Variants in KCNQ1 observed in about 807,000 individuals in gnomAD.
The protein encoded by KCNQ1 is potassium voltage-gated channel subfamily KQT member 1.
Under a neutral mutation model 72.4 loss-of-function variants are expected in KCNQ1, and 49 were observed. The observed-to-expected ratio is 0.68, with a 90% CI of 0.54 to 0.86. The LOEUF (loss-of-function observed/expected upper bound fraction) is 0.86. KCNQ1 is among the 40% of genes least tolerant of loss of function. The probability of loss-of-function intolerance (pLI) is 0.00; values close to 1 mark genes in which losing one functional copy is unlikely to be tolerated. For synonymous variants in KCNQ1, 450 were observed against 412.6 expected (o/e 1.09, Z -1.10); for missense variants, 790 against 945.1 (o/e 0.84, Z 2.15).
At position 2,715,696 on chromosome 11, in the gene KCNQ1, G is replaced by A. The variant is rs1158995998; in HGVS notation, c.1515-53148G>A. 2.0e-5 allele frequency among the ~76,000 whole-genome samples: 3 copies of A among 152,220 alleles called. No homozygotes were observed. The highest frequency in any genetic ancestry group is 2.4e-5 in the African/African-American group (1 of 41,470). On this transcript the variant is annotated intron_variant, in intron 11 of 15. Coordinates refer to ENST00000155840, the MANE Select transcript of KCNQ1 (RefSeq NM_000218.3). The surrounding 1 kb of genome is among the most constrained non-coding windows in gnomAD (Gnocchi z 4.9). ...CTTGGGGGAAGGGGAACCAGCAAAG[G>A]GGGTATGGGGAGCCCTCTGGGGCAC...
chr11:2,722,184 C>G (rs1851213701), intron 11 of KCNQ1, among the ~76,000 whole-genome samples: 1 of 152,154 alleles, frequency 6.6e-6, no homozygotes, highest in Admixed American at 6.5e-5. Flanking sequence ...GGCTGGGGAG[C>G]CACAAAGCCA....
chr11:2,448,534 C>T (rs1432986089), intron 1 of KCNQ1, among the ~76,000 whole-genome samples: 6 of 152,234 alleles, frequency 3.9e-5, no homozygotes, highest in Non-Finnish European at 8.8e-5. Context: ...TATCTCCAGG[C>T]TCTGGCATTG....
rs1340604704 is a variant in KCNQ1 at position 2,815,157 on chromosome 11, A to G, written c.1795-32610A>G. ...ACCAATCCCTCCCCAAATTACCCCC[A>G]TGCTCAGGGTGTCACTGAGGGTCCC... On this transcript the variant is annotated intron_variant, in intron 15 of 15. Transcript: ENST00000155840. This position sits in a 1 kb window ranked among gnomAD's most constrained non-coding sequence, Gnocchi z 5.4. 6.6e-6 allele frequency among the ~76,000 whole-genome samples: 1 copy of G among 152,116 alleles called. No individual in the cohort carries two copies. Among genetic ancestry groups the G allele is most frequent in the East Asian group, 1.9e-4 (1 of 5,194 alleles).
chr11:2,774,987 C>A (rs867515943), intron 12 of KCNQ1, among the ~76,000 whole-genome samples: 1 of 152,188 alleles, frequency 6.6e-6, no homozygotes, highest in South Asian at 2.1e-4. Context: ...AATTCCCCAG[C>A]AAAAGGCAGG....
At chr11:2,701,304 A>G (rs1850809643) in intron 11 of KCNQ1, among the ~76,000 whole-genome samples, 1 of 152,328 alleles carries the variant, frequency 6.6e-6, no homozygotes, top group Admixed American at 6.5e-5. Context: ...GGCCTTCAGC[A>G]ACGACGCCCA....
In KCNQ1 at chr11:2,663,987, G is replaced by A. The variant is rs973041857; in HGVS notation, c.1514+1906G>A. 18 of 398,582 alleles carry A rather than the reference G, an allele frequency of 4.5e-5. No individual in the cohort carries two copies. Among genetic ancestry groups the A allele is most frequent in the Middle Eastern group, 6.2e-4 (1 of 1,610 alleles). The allele number at this position is 398,582 out of a possible 1,614,324, so 24.7% of individuals were successfully genotyped here. A position where few individuals can be genotyped will look rare whatever the true frequency, so the allele number is the denominator to read the frequency against. ...CTGAACATCCATCCCCAAGCTCTCT[G>A]CCCACTTTGGGTCTGGCACATTACC... On this transcript the variant is annotated intron_variant, in intron 11 of 15. Transcript: ENST00000155840. The surrounding 1 kb of genome is among the most constrained non-coding windows in gnomAD (Gnocchi z 5.2).
Position 2,459,522 on chromosome 11 carries a change from GTCTGTAGCTCCC to G in KCNQ1, c.386+14044_386+14055del, listed in dbSNP as rs559603087. 3.5e-4 allele frequency among the ~76,000 whole-genome samples: 53 copies of G among 152,286 alleles called. No homozygotes were observed. In the South Asian group the frequency reaches 0.011, roughly 30 times the overall value. On this transcript the variant is annotated intron_variant, in intron 1 of 15. Transcript: ENST00000155840. Reference sequence around the variant, plus strand: ...TAAGGGTATGTAGGGGTCACTGCCAGTCTGTAGCTCCCTCTGTGGGGGCAGGCTGTGGCACTG... The same window carrying G: ...TAAGGGTATGTAGGGGTCACTGCCAGTCTGTGGGGGCAGGCTGTGGCACTG...
rs1426430594 is a variant in KCNQ1 at position 2,734,646 on chromosome 11, CT to C, written c.1515-34197del. ...GAAGGACTGGAGAGTAGGAGCAGGT[CT>C]CGGGGGTAGCTTCCTGAAGAGATGA... On this transcript the variant is annotated intron_variant, in intron 11 of 15. Transcript: ENST00000155840. This position sits in a 1 kb window ranked among gnomAD's most constrained non-coding sequence, Gnocchi z 7.0. Among the ~76,000 whole-genome samples, 1 of 151,814 alleles carries C rather than the reference CT, an allele frequency of 6.6e-6. No individual in the cohort carries two copies. The highest frequency in any genetic ancestry group is 1.5e-5 in the Non-Finnish European group (1 of 67,916).
intron 2 of KCNQ1, among the ~76,000 whole-genome samples, chr11:2,554,065 G>T (rs1255222167): frequency 6.6e-6 from 1 of 152,220 alleles, no homozygotes; most frequent in Non-Finnish European, 1.5e-5. Context: ...GACTTCGGTT[G>T]TGTGTAGAAC....
intron 15 of KCNQ1, 89 bp downstream of exon 15, chr11:2,778,126 T>G: frequency 7.8e-7 from 1 of 1,289,786 alleles, no homozygotes; most frequent in Non-Finnish European, 1.1e-6. Context: ...AACGTGAAGC[T>G]CCTGCAGGCC....
Position 2,620,834 on chromosome 11 carries a change from G to C in KCNQ1, c.1393+31980G>C. The C allele has an allele frequency of 5.0e-6, 2 of 398,498 alleles. No homozygotes were observed. Among genetic ancestry groups the C allele is most frequent in the Admixed American group, 4.4e-5 (1 of 22,720 alleles). The allele number at this position is 398,498 out of a possible 1,614,324, so 24.7% of individuals were successfully genotyped here. A position where few individuals can be genotyped will look rare whatever the true frequency, so the allele number is the denominator to read the frequency against. ...AGTGTATAAGCGTTCCCTTTTCTCTGCAGCCTTCCCAGCAACTTTTATTTT... is the reference window on the plus strand; with the variant it reads ...AGTGTATAAGCGTTCCCTTTTCTCTCCAGCCTTCCCAGCAACTTTTATTTT... On this transcript the variant is annotated intron_variant, in intron 10 of 15. Coordinates refer to ENST00000155840, the MANE Select transcript of KCNQ1 (RefSeq NM_000218.3). The surrounding 1 kb of genome is among the most constrained non-coding windows in gnomAD (Gnocchi z 4.5).
At chr11:2,788,853 G>T (rs933440631) in intron 15 of KCNQ1, among the ~76,000 whole-genome samples, 1 of 152,184 alleles carries the variant, frequency 6.6e-6, no homozygotes, top group East Asian at 1.9e-4. Context: ...TTGACGCTGA[G>T]CACCGCCACC....
chr11:2,689,172 C>T (rs1258663419), intron 11 of KCNQ1: 9 of 398,672 alleles, frequency 2.3e-5, no homozygotes, highest in Admixed American at 4.4e-5. Context: ...GGGCCTGCTC[C>T]TCCTCCTTTT....
At chr11:2,776,137 G>A (rs1167871365) in intron 13 of KCNQ1, 83 bp downstream of exon 13, 1 of 1,214,170 alleles carries the variant, frequency 8.2e-7, no homozygotes, top group South Asian at 1.4e-5. Flanking sequence ...GGTGCCGGAG[G>A]AGGGAGGGGC....
At chr11:2,480,029 C>G (rs1442491568) in intron 1 of KCNQ1, among the ~76,000 whole-genome samples, 3 of 152,166 alleles carry the variant, frequency 2.0e-5, no homozygotes, top group African/African-American at 7.2e-5. Context: ...TAATCCACTT[C>G]CCAAAAAGTT....
In KCNQ1 at chr11:2,847,945, C is replaced by A. The variant is rs377661455; in HGVS notation, c.1973C>A (p.Thr658Asn). The A allele has an allele frequency of 1.7e-5, 27 of 1,572,108 alleles. No individual in the cohort carries two copies. Among genetic ancestry groups the A allele is most frequent in the Non-Finnish European group, 2.2e-5 (26 of 1,158,094 alleles). ...VDPELFLPSN[T>N]LPTYEQLTVP... ...CCTGAGCTCTTCCTGCCCAGCAACACCCTGCCCACCTACGAGCAGCTGACC... is the reference window on the plus strand; with the variant it reads ...CCTGAGCTCTTCCTGCCCAGCAACAACCTGCCCACCTACGAGCAGCTGACC... The change falls in exon 16 of 16, where the codon ACC becomes AAC. Residue 658 changes from threonine (T) to asparagine (N), a missense_variant. Coordinates refer to ENST00000155840, the MANE Select transcript of KCNQ1 (RefSeq NM_000218.3).
intron 1 of KCNQ1, among the ~76,000 whole-genome samples, chr11:2,517,973 C>G (rs1024475150): frequency 6.6e-6 from 1 of 152,270 alleles, no homozygotes; most frequent in Non-Finnish European, 1.5e-5. Context: ...AGAACAGAGT[C>G]TAAGGAGCCT....
At position 2,723,764 on chromosome 11, in the gene KCNQ1, ACC is replaced by A. The variant is rs1845710297; in HGVS notation, c.1515-45079_1515-45078del. Among the ~76,000 whole-genome samples, 1 of 151,956 alleles carries A rather than the reference ACC, an allele frequency of 6.6e-6. No individual in the cohort carries two copies. The highest frequency in any genetic ancestry group is 6.6e-5 in the Admixed American group (1 of 15,266). On this transcript the variant is annotated intron_variant, in intron 11 of 15. Coordinates refer to ENST00000155840, the MANE Select transcript of KCNQ1 (RefSeq NM_000218.3). This position sits in a 1 kb window ranked among gnomAD's most constrained non-coding sequence, Gnocchi z 4.2. Reference sequence around the variant, plus strand: ...TCTACTAGCTAGTGGGGCCTCACTAACCGCTGGTGGCCGCAGGGTTCCCAGCC... The same window carrying A: ...TCTACTAGCTAGTGGGGCCTCACTAAGCTGGTGGCCGCAGGGTTCCCAGCC...
At chr11:2,553,244 A>G (rs1254655686) in intron 2 of KCNQ1, among the ~76,000 whole-genome samples, 1 of 138,578 alleles carries the variant, frequency 7.2e-6, no homozygotes, top group Non-Finnish European at 1.6e-5. Context: ...AGTCAGTCTT[A>G]TTTTTGCCTT....
Sources: gnomAD v4.1 joint callset for allele counts (sites outside exome capture counted in the v4.1 genomes callset) on GRCh38, gnomAD v4.1.1 for gene constraint, Gnocchi (gnomAD v3.1) non-coding constraint, MANE v1.5 for transcripts, NCBI Gene and HGNC (gene_info 2026-07-23, HGNC 2026-07-21) for gene names.